Variants in MDGA2 observed in about 807,000 individuals in gnomAD.
The protein encoded by MDGA2 is MAM domain containing glycosylphosphatidylinositol anchor 2, also known as MAM domain-containing glycosylphosphatidylinositol anchor protein 2.
MDGA2 carries 40 observed loss-of-function variants against 117.8 expected under a neutral mutation model. The observed-to-expected ratio is 0.34, with a 90% CI of 0.26 to 0.44. The LOEUF (loss-of-function observed/expected upper bound fraction) is 0.44, where lower values mean the gene tolerates loss of function less well. MDGA2 is among the 20% of genes least tolerant of loss of function. The probability of loss-of-function intolerance (pLI) is 1.00; values close to 1 mark genes in which losing one functional copy is unlikely to be tolerated. For synonymous variants in MDGA2, 452 were observed against 439.0 expected, an observed-to-expected ratio of 1.03 and a Z score of -0.37; for missense variants, 1,123 against 1,250.6, an observed-to-expected ratio of 0.90 and a Z score of 1.54.
intron 1 of MDGA2, among the ~76,000 whole-genome samples, chr14:47,558,729 C>T (rs1315493636): frequency 6.6e-6 from 1 of 152,038 alleles, no homozygotes; most frequent in African/African-American, 2.4e-5. Context: ...TAAATTTAAC[C>T]CTTTCACCAA....
At chr14:47,517,205 G>A (rs1391910189) in intron 1 of MDGA2, among the ~76,000 whole-genome samples, 1 of 152,090 alleles carries the variant, frequency 6.6e-6, no homozygotes, top group African/African-American at 2.4e-5. Context: ...TGCAAAAAAT[G>A]CTTTCAGCTG....
At chr14:47,450,568 G>C (rs1893220857) in intron 1 of MDGA2, among the ~76,000 whole-genome samples, 1 of 152,074 alleles carries the variant, frequency 6.6e-6, no homozygotes, top group East Asian at 1.9e-4. Flanking sequence ...GATAACATCT[G>C]TTTTTCATCA....
At chr14:46,907,306 T>G (rs376237098) in intron 10 of MDGA2, among the ~76,000 whole-genome samples, 18 of 152,138 alleles carry the variant, frequency 1.2e-4, no homozygotes, top group African/African-American at 3.4e-4. Flanking sequence ...GCAAATCAGT[T>G]GTGGATTTTG....
At chr14:47,071,385 C>T (rs1326487446) in intron 6 of MDGA2, among the ~76,000 whole-genome samples, 5 of 152,062 alleles carry the variant, frequency 3.3e-5, no homozygotes, top group African/African-American at 1.2e-4. Flanking sequence ...TGGCAGGGTG[C>T]TGAGGTGTGA....
At chr14:47,025,007 G>C (rs1888421658) in intron 8 of MDGA2, among the ~76,000 whole-genome samples, 1 of 151,842 alleles carries the variant, frequency 6.6e-6, no homozygotes, top group Non-Finnish European at 1.5e-5. Context: ...GAAGAATACA[G>C]GCACAGCAGT....
intron 1 of MDGA2, among the ~76,000 whole-genome samples, chr14:47,523,682 G>A (rs974935606): frequency 6.6e-6 from 1 of 152,100 alleles, no homozygotes; most frequent in Non-Finnish European, 1.5e-5. Flanking sequence ...CAGTCTCCAG[G>A]TGACTCCAGG....
intron 8 of MDGA2, among the ~76,000 whole-genome samples, chr14:46,992,480 C>G (rs919774799): frequency 2.0e-5 from 3 of 151,976 alleles, no homozygotes; most frequent in African/African-American, 7.3e-5. Context: ...ATGTTTGTTA[C>G]AATGAAATGC....
rs746996959 is a variant in MDGA2, at chr14:47,053,654, T to TACACACAC, written c.1525+7587_1525+7594dup. 8.5e-3 allele frequency among the ~76,000 whole-genome samples: 570 copies of TACACACAC among 66,934 alleles called. 4 individuals carry two copies. The highest frequency in any genetic ancestry group is 0.031 in the Middle Eastern group (3 of 96). 43.9% of individuals were successfully genotyped at this position (66,934 alleles called of 152,430 possible). Reference sequence around the variant, plus strand: ...ATATATATATATATATATATATATATACACACACACACACACATATATATA... The same window carrying TACACACAC: ...ATATATATATATATATATATATATATACACACACACACACACACACACACATATATATA... On this transcript the variant is annotated intron_variant, in intron 7 of 16. Coordinates refer to ENST00000399232, the MANE Select transcript of MDGA2 (RefSeq NM_001113498.3).
At chr14:46,852,254 A>G (rs1031079079) in intron 15 of MDGA2, among the ~76,000 whole-genome samples, 5 of 151,760 alleles carry the variant, frequency 3.3e-5, no homozygotes, top group Admixed American at 2.0e-4. Context: ...TAAATTACCA[A>G]ATAACTGGGC....
At chr14:46,976,149 C>T (rs1466040684) in intron 8 of MDGA2, among the ~76,000 whole-genome samples, 1 of 152,000 alleles carries the variant, frequency 6.6e-6, no homozygotes, top group Admixed American at 6.6e-5. Flanking sequence ...GTGTTGGATA[C>T]ACAACATTAG....
intron 1 of MDGA2, among the ~76,000 whole-genome samples, chr14:47,461,772 G>GT (rs1254613779): frequency 6.6e-6 from 1 of 152,048 alleles, no homozygotes; most frequent in Non-Finnish European, 1.5e-5. Context: ...TTATTTTTAC[G>GT]TGACATGAAC....
intron 1 of MDGA2, among the ~76,000 whole-genome samples, chr14:47,485,707 GT>G (rs1283237677): frequency 3.9e-5 from 6 of 152,164 alleles, no homozygotes; most frequent in Non-Finnish European, 8.8e-5. Flanking sequence ...GGTGCCCTGT[GT>G]CCCAGCTGTT....
chr14:47,540,540 G>GTGTGTGTGTGTGTGTGTGTATATATATA, intron 1 of MDGA2, among the ~76,000 whole-genome samples: 3 of 79,212 alleles, frequency 3.8e-5, no homozygotes, highest in Middle Eastern at 6.3e-3. Context: ...GTGTGTGTGT[G>GTGTGTGTGTGTGTGTGTGTATATATATA]TATATATATA....
intron 3 of MDGA2, among the ~76,000 whole-genome samples, chr14:47,196,849 A>C (rs1253705682): frequency 6.6e-6 from 1 of 152,086 alleles, no homozygotes; most frequent in Non-Finnish European, 1.5e-5. Flanking sequence ...TCCCCAGTCT[A>C]TTGTTCCCTT....
chr14:46,952,484 C>A (rs962919674), intron 9 of MDGA2, among the ~76,000 whole-genome samples: 5 of 152,056 alleles, frequency 3.3e-5, no homozygotes, highest in South Asian at 4.1e-4. Context: ...AAATAATTTT[C>A]TAGACTGTTT....
At chr14:47,470,164 G>C (rs1328681560) in intron 1 of MDGA2, among the ~76,000 whole-genome samples, 1 of 150,332 alleles carries the variant, frequency 6.7e-6, no homozygotes, top group Non-Finnish European at 1.5e-5. Context: ...AGTGCAGAAC[G>C]TGCAGTTTTG....
intron 7 of MDGA2, among the ~76,000 whole-genome samples, chr14:47,058,437 C>CT (rs1347677318): frequency 2.0e-5 from 3 of 152,078 alleles, no homozygotes; most frequent in Non-Finnish European, 4.4e-5. Context: ...TACATTGTTG[C>CT]TTCCTTTTCT....
intron 5 of MDGA2, among the ~76,000 whole-genome samples, chr14:47,098,604 G>A (rs992784014): frequency 4.6e-5 from 7 of 151,692 alleles, no homozygotes; most frequent in African/African-American, 1.7e-4. Flanking sequence ...TCTGAAAATA[G>A]ATATTATACT....
chr14:47,493,165 A>T (rs187392619), intron 1 of MDGA2, among the ~76,000 whole-genome samples: 7 of 151,964 alleles, frequency 4.6e-5, no homozygotes, highest in Non-Finnish European at 1.0e-4. Flanking sequence ...CTGTAATAAT[A>T]AGCAGATATA....
Sources: gnomAD v4.1 joint callset for allele counts (sites outside exome capture counted in the v4.1 genomes callset) on GRCh38, gnomAD v4.1.1 for gene constraint, MANE v1.5 for transcripts, NCBI Gene and HGNC (gene_info 2026-07-23, HGNC 2026-07-21) for gene names.